Variants in CEACAM4 observed in about 807,000 individuals in gnomAD.
CEACAM4 encodes CEA cell adhesion molecule 4, also known as cell adhesion molecule CEACAM4.
Under a neutral mutation model 28.7 loss-of-function variants are expected in CEACAM4, and 30 were observed. That is an observed-to-expected ratio of 1.05 (90% confidence interval 0.78 to 1.42). The LOEUF is 1.42. Ranked by LOEUF, CEACAM4 falls within the 40% of genes most tolerant of loss-of-function variation. CEACAM4 has a pLI of 0.00. For missense variants in CEACAM4, 330 were observed against 308.2 expected, an observed-to-expected ratio of 1.07 and a Z score of -0.53; for synonymous variants, 143 against 126.5, an observed-to-expected ratio of 1.13 and a Z score of -0.87.
chr19:41,627,046 G>T lies in CEACAM4; in HGVS notation c.-83C>A. 2.4e-6 allele frequency: 3 copies of T among 1,262,064 alleles called. No homozygotes were observed. Among genetic ancestry groups the T allele is most frequent in the Non-Finnish European group, 3.3e-6 (3 of 913,064 alleles). The allele number at this position is 1,262,064 out of a possible 1,614,324, so 78.2% of individuals were successfully genotyped here. ...GTCAGAGCTGCTGTGACTGTCGGCT[G>T]TCGGGGCTGCTGACCTTCCTCCTTC... On this transcript the variant is annotated 5_prime_UTR_variant, in exon 1 of 7. Coordinates refer to ENST00000221954, the MANE Select transcript of CEACAM4 (RefSeq NM_001817.4).
chr19:41,626,101 TG>T, intron 1 of CEACAM4, 141 bp from the exon 2 acceptor site: 1 of 597,810 alleles, frequency 1.7e-6, no homozygotes, highest in Non-Finnish European at 2.8e-6. Flanking sequence ...TGTGTGTGTG[TG>T]TGTGTGTGTG....
chr19:41,619,443 A>T, intron 6 of CEACAM4, 48 bp from the exon 7 acceptor site: 2 of 1,604,516 alleles, frequency 1.2e-6, no homozygotes, highest in Non-Finnish European at 1.7e-6. Flanking sequence ...TTCTCAGAAC[A>T]GTGTCTGGCA....
intron 3 of CEACAM4, 59 bp from the exon 4 acceptor site, chr19:41,620,686 G>A: frequency 2.1e-6 from 3 of 1,406,110 alleles, no homozygotes; most frequent in Admixed American, 1.7e-5. Context: ...TTTAGGGGCA[G>A]AATAAAGGAC....
intron 5 of CEACAM4, 29 bp from the exon 6 acceptor site, chr19:41,619,740 G>C (rs1267245593): frequency 6.5e-7 from 1 of 1,532,000 alleles, no homozygotes; most frequent in Non-Finnish European, 8.8e-7. Context: ...AGATGTCAGG[G>C]GACAGGGAGG....
downstream of CEACAM4, among the ~76,000 whole-genome samples, chr19:41,617,593 T>C (rs186456801): frequency 1.3e-4 from 20 of 152,282 alleles, no homozygotes; most frequent in Admixed American, 4.6e-4. Context: ...CAAGGCTCCT[T>C]CCTTTTAAGT....
the CEACAM4 span, among the ~76,000 whole-genome samples, chr19:41,614,000 T>C: frequency 1.3e-5 from 2 of 152,224 alleles, no homozygotes; most frequent in Non-Finnish European, 1.5e-5. Context: ...ACAGCCCAAA[T>C]ATCATCATTT....
At chr19:41,623,652 G>C (rs1373649267) in intron 2 of CEACAM4, among the ~76,000 whole-genome samples, 1 of 151,862 alleles carries the variant, frequency 6.6e-6, no homozygotes, top group Admixed American at 6.6e-5. Context: ...GATGGCTAGA[G>C]GGGGCTGGAG....
chr19:41,622,821 T>G (rs566846917), intron 2 of CEACAM4, among the ~76,000 whole-genome samples: 1 of 151,904 alleles, frequency 6.6e-6, no homozygotes, highest in Non-Finnish European at 1.5e-5. Flanking sequence ...GGTGTTACAG[T>G]GAGTTTGATC....
At chr19:41,623,368 C>T (rs1292514204) in intron 2 of CEACAM4, among the ~76,000 whole-genome samples, 1 of 151,624 alleles carries the variant, frequency 6.6e-6, no homozygotes, top group Non-Finnish European at 1.5e-5. Context: ...CCTGCCACAT[C>T]CCTGCCACAT....
intron 1 of CEACAM4, 96 bp from the exon 2 acceptor site, chr19:41,626,056 G>C (rs1283202291): frequency 2.0e-6 from 2 of 979,750 alleles, no homozygotes; most frequent in African/African-American, 3.4e-5. Context: ...TCATCCCTCA[G>C]CCTTGGAGTG....
At chr19:41,619,514 G>A (rs1334808296) in intron 6 of CEACAM4, 119 bp from the exon 7 acceptor site, 29 of 1,560,084 alleles carry the variant, frequency 1.9e-5, no homozygotes, top group Non-Finnish European at 2.4e-5. Context: ...GTGCTCAGGG[G>A]GTCCCTGTTC....
At chr19:41,622,274 C>T (rs117182712) in intron 2 of CEACAM4, among the ~76,000 whole-genome samples, 3,957 of 152,130 alleles carry the variant, frequency 0.026, 91 homozygotes, top group Admixed American at 0.066. Context: ...GATGAAATTT[C>T]GCCATGTTGT....
At chr19:41,619,898 C>T (rs2071156188) in intron 5 of CEACAM4, among the ~76,000 whole-genome samples, 187 bp from the exon 6 acceptor site, 1 of 152,194 alleles carries the variant, frequency 6.6e-6, no homozygotes, top group Non-Finnish European at 1.5e-5. Flanking sequence ...CACCCTGACC[C>T]CTGTCCTGGC....
rs200228550 is a variant in CEACAM4, at chr19:41,625,778, T to C, written c.247A>G (p.Ile83Val). 137 of 1,613,844 alleles carry C rather than the reference T, an allele frequency of 8.5e-5. No individual in the cohort carries two copies. The highest frequency in any genetic ancestry group is 1.1e-4 in the Non-Finnish European group (125 of 1,179,942). Residue 83 changes from isoleucine to valine, a missense_variant, in exon 2 of 7, where the codon ATA becomes GTA. Coordinates refer to ENST00000221954, the MANE Select transcript of CEACAM4 (RefSeq NM_001817.4). ...AEGSPLIAGY[I>V]TDIQANIPGA... ...GGGATATTTGCTTGAATGTCTGTTA[T>C]ATAACCAGCAATGAGAGGGCTCCCT...
Position 41,625,969 on chromosome 19 carries a change from T to G in CEACAM4, c.65-9A>C, listed in dbSNP as rs781983743. The G allele has an allele frequency of 6.2e-7, 1 of 1,600,024 alleles. No individual in the cohort carries two copies. Among genetic ancestry groups the G allele is most frequent in the East Asian group, 2.2e-5 (1 of 44,736 alleles). On this transcript the variant is annotated splice_polypyrimidine_tract_variant and intron_variant, in intron 1 of 6. Coordinates refer to ENST00000221954, the MANE Select transcript of CEACAM4 (RefSeq NM_001817.4). Reference sequence around the variant, plus strand: ...GAAGGTTAAAAGTGAGGCTAGGAGGTGAAGACAGCATCAGTCAATACTGGG... The same window carrying G: ...GAAGGTTAAAAGTGAGGCTAGGAGGGGAAGACAGCATCAGTCAATACTGGG...
chr19:41,620,171 G>A, intron 5 of CEACAM4, 40 bp downstream of exon 5: 1 of 1,485,246 alleles, frequency 6.7e-7, no homozygotes, highest in Non-Finnish European at 9.0e-7. Context: ...TGCACTGTTG[G>A]GACCCCAGTA....
chr19:41,625,631 C>T lies in CEACAM4; in HGVS notation c.394G>A (p.Asp132Asn), dbSNP rs372913381. 1.5e-4 allele frequency: 244 copies of T among 1,588,212 alleles called. 1 individual carries two copies. The highest frequency in any genetic ancestry group is 2.0e-4 in the Non-Finnish European group (237 of 1,165,598). ...LRTINASYDS[D>N]QATGQLHVHQ... ...ACGTGGAGCTGGCCAGTTGCTTGGT[C>T]AGAGTCGTAACTGGCATTTATGGTT... is the stretch of plus-strand genomic sequence containing the variant. Residue 132 changes from aspartate (D) to asparagine (N), a missense_variant, in exon 2 of 7, where the codon GAC becomes AAC. Physicochemically the swap from Asp to Asn is conservative, Grantham distance 23. Coordinates refer to ENST00000221954, the MANE Select transcript of CEACAM4 (RefSeq NM_001817.4).
chr19:41,625,851 A>G lies in CEACAM4; in HGVS notation c.174T>C (p.Ile58=), dbSNP rs1555803805. The G allele has an allele frequency of 1.2e-6, 2 of 1,613,732 alleles. No homozygotes were observed. Among genetic ancestry groups the G allele is most frequent in the African/African-American group, 1.3e-5 (1 of 74,796 alleles). ...AATAATAGGCTTGAATAGTTTCTGA[A>G]ATATTGCAGGCCAGTAGAAGAACAT... ...GKDVLLLACN[I]SETIQAYYWH... Residue 58 remains isoleucine (I), a synonymous_variant, in exon 2 of 7, where the codon ATT becomes ATC. Transcript: ENST00000221954.
chr19:41,619,243 G>A lies in CEACAM4; in HGVS notation c.*87C>T. On this transcript the variant is annotated 3_prime_UTR_variant, in exon 7 of 7. Coordinates refer to ENST00000221954, the MANE Select transcript of CEACAM4 (RefSeq NM_001817.4). ...CCTCAGGACTCAGAGCTGGTTCTCT[G>A]GCTCAGGCTCCATGTCCTTCCCCGT... 1 of 1,102,612 alleles carries A rather than the reference G, an allele frequency of 9.1e-7. No homozygotes were observed. The allele number at this position is 1,102,612 out of a possible 1,614,324, so 68.3% of individuals were successfully genotyped here. A position where few individuals can be genotyped will look rare whatever the true frequency, so the allele number is the denominator to read the frequency against.
Sources: allele counts gnomAD v4.1 joint callset (sites outside exome capture counted in the v4.1 genomes callset), GRCh38; gene constraint gnomAD v4.1.1; transcripts MANE v1.5; gene names NCBI Gene and HGNC (gene_info 2026-07-23, HGNC 2026-07-21).